NDUFA10: variants seen among roughly 807,000 people sequenced by gnomAD.
NDUFA10 encodes NADH dehydrogenase [ubiquinone] 1 alpha subcomplex subunit 10, mitochondrial.
NDUFA10 carries 40 observed loss-of-function variants against 47.8 expected under a neutral mutation model. The observed-to-expected ratio is 0.84, with a 90% CI of 0.65 to 1.09. The LOEUF (loss-of-function observed/expected upper bound fraction) is 1.09, where lower values mean the gene tolerates loss of function less well. Ranked by LOEUF, NDUFA10 falls within the 50% of genes least tolerant of loss-of-function variation. The pLI, the probability that NDUFA10 is intolerant of heterozygous loss-of-function variation, is 0.00. For synonymous variants in NDUFA10, 183 were observed against 172.2 expected, an observed-to-expected ratio of 1.06 and a Z score of -0.49; for missense variants, 413 against 451.1, an observed-to-expected ratio of 0.92 and a Z score of 0.76.
chr2:240,020,850 T>A (rs927725170), intron 3 of NDUFA10, among the ~76,000 whole-genome samples: 1 of 152,236 alleles, frequency 6.6e-6, no homozygotes, highest in African/African-American at 2.4e-5. Flanking sequence ...ACAGTCTTCA[T>A]AAGTGTGATC....
chr2:240,023,237 T>C (rs768645091), intron 1 of NDUFA10, among the ~76,000 whole-genome samples: 8 of 152,152 alleles, frequency 5.3e-5, no homozygotes, highest in Non-Finnish European at 1.0e-4. Flanking sequence ...CCTTACTATA[T>C]ACAGAAATTG....
At chr2:239,920,260 T>C (rs1391036438) in intron 4 of NDUFA10, among the ~76,000 whole-genome samples, 1 of 152,212 alleles carries the variant, frequency 6.6e-6, no homozygotes, top group Non-Finnish European at 1.5e-5. Context: ...CTCAGCACCC[T>C]GACCTGGGAC....
Position 239,960,734 on chromosome 2 carries a change from G to C in NDUFA10, c.*384C>G. The C allele has an allele frequency of 8.4e-7, 1 of 1,190,520 alleles. No homozygotes were observed. Among genetic ancestry groups the C allele is most frequent in the Non-Finnish European group, 1.1e-6 (1 of 944,582 alleles). 73.7% of individuals were successfully genotyped at this position (1,190,520 alleles called of 1,614,324 possible). On this transcript the variant is annotated 3_prime_UTR_variant, in exon 10 of 10. Coordinates refer to ENST00000252711, the MANE Select transcript of NDUFA10 (RefSeq NM_004544.4). ...CCGCACGCACATAGACGTACGATGG[G>C]GAAATTCCCATGGAAACACTTTTAT...
intron 4 of NDUFA10, among the ~76,000 whole-genome samples, chr2:239,919,251 T>G (rs1452457556): frequency 6.6e-6 from 1 of 152,208 alleles, no homozygotes; most frequent in Non-Finnish European, 1.5e-5. Context: ...CTCTTCGGGC[T>G]GTTTTCTCTT....
chr2:239,920,048 C>A (rs1008863436), intron 4 of NDUFA10, among the ~76,000 whole-genome samples: 3 of 152,202 alleles, frequency 2.0e-5, no homozygotes, highest in Non-Finnish European at 2.9e-5. Flanking sequence ...GTGCTTCCCC[C>A]CCATTCATAT....
intron 3 of NDUFA10, 143 bp from the exon 4 acceptor site, chr2:240,018,782 T>C: frequency 1.1e-6 from 1 of 938,586 alleles, no homozygotes; most frequent in East Asian, 2.6e-5. Context: ...AACATAGACA[T>C]ATTTGTAAGT....
At chr2:239,992,418 G>A (rs532326660) in intron 8 of NDUFA10, among the ~76,000 whole-genome samples, 1 of 152,264 alleles carries the variant, frequency 6.6e-6, no homozygotes, top group African/African-American at 2.4e-5. Context: ...TTAACTGAAT[G>A]TCAACACTTT....
chr2:239,991,742 T>C (rs1696257202), intron 8 of NDUFA10, among the ~76,000 whole-genome samples: 1 of 152,238 alleles, frequency 6.6e-6, no homozygotes, highest in East Asian at 1.9e-4. Context: ...AATAAGAAAT[T>C]CCAACTAAAA....
At chr2:239,946,714 G>A (rs964893296) in intron 4 of NDUFA10, among the ~76,000 whole-genome samples, 1 of 152,228 alleles carries the variant, frequency 6.6e-6, no homozygotes, top group African/African-American at 2.4e-5. Context: ...TGTCAGGCAC[G>A]CCTGACATGG....
intron 9 of NDUFA10, among the ~76,000 whole-genome samples, chr2:239,981,123 T>C (rs1378142480): frequency 6.6e-6 from 1 of 152,218 alleles, no homozygotes; most frequent in African/African-American, 2.4e-5. Flanking sequence ...TGAGAAATCA[T>C]ATAGGATACC....
At chr2:239,926,853 C>T (rs1423412104) in intron 4 of NDUFA10, among the ~76,000 whole-genome samples, 1 of 152,186 alleles carries the variant, frequency 6.6e-6, no homozygotes, top group East Asian at 1.9e-4. Context: ...TTAATGGACT[C>T]ACAGTTCCAC....
chr2:239,927,922 G>A (rs114215380), intron 4 of NDUFA10, among the ~76,000 whole-genome samples: 3,809 of 152,318 alleles, frequency 0.025, 142 homozygotes, highest in African/African-American at 0.087. Flanking sequence ...ACCCCAATAC[G>A]GTGGCTGTGG....
intron 4 of NDUFA10, among the ~76,000 whole-genome samples, chr2:239,915,524 C>CAG (rs1407023900): frequency 1.4e-4 from 19 of 136,646 alleles, no homozygotes; most frequent in African/African-American, 5.5e-4. Flanking sequence ...CACACACAGA[C>CAG]AGATACACAA....
rs537996436 is a variant in NDUFA10 at position 239,921,139 on chromosome 2, G to A, written c.295-25825C>T. Among the ~76,000 whole-genome samples the A allele has an allele frequency of 5.9e-5, 9 of 152,162 alleles. No individual in the cohort carries two copies. In the South Asian group the frequency reaches 1.7e-3, roughly 28 times the overall value. ...GTGGCTCGAACCTAAGGAAACTTTAGGGCAGGTCACAACCTGCAGGAACCG... is the reference window on the plus strand; with the variant it reads ...GTGGCTCGAACCTAAGGAAACTTTAAGGCAGGTCACAACCTGCAGGAACCG... On this transcript the variant is annotated intron_variant, in intron 4 of 5. Coordinates refer to the NDUFA10 transcript ENST00000419408.
chr2:239,902,492 A>G (rs139393653), intron 4 of NDUFA10, among the ~76,000 whole-genome samples: 8 of 152,254 alleles, frequency 5.3e-5, no homozygotes, highest in Non-Finnish European at 1.2e-4. Flanking sequence ...ACTATAGTAC[A>G]GTATAAATAT....
intron 4 of NDUFA10, among the ~76,000 whole-genome samples, chr2:239,930,990 A>C (rs1330631937): frequency 6.7e-6 from 1 of 150,288 alleles, no homozygotes; most frequent in Non-Finnish European, 1.5e-5. Context: ...GCAGGGAGGG[A>C]GGTCAGGGGG....
Position 239,960,156 on chromosome 2 carries a change from C to G in NDUFA10, c.*962G>C. ...GGAAAACCCACAGTTCAGTAGGACT[C>G]ACAACTGGCAGCCTGATTCCTAATG... On this transcript the variant is annotated 3_prime_UTR_variant, in exon 10 of 10. Coordinates refer to ENST00000252711, the MANE Select transcript of NDUFA10 (RefSeq NM_004544.4). 1.0e-6 allele frequency: 1 copy of G among 981,516 alleles called. No homozygotes were observed. Among genetic ancestry groups the G allele is most frequent in the Non-Finnish European group, 1.2e-6 (1 of 829,786 alleles). 60.8% of individuals were successfully genotyped at this position (981,516 alleles called of 1,614,324 possible).
At chr2:239,985,569 G>GAAAGAGAGC (rs1444042531) in intron 9 of NDUFA10, among the ~76,000 whole-genome samples, 3 of 152,060 alleles carry the variant, frequency 2.0e-5, no homozygotes, top group African/African-American at 7.2e-5. Flanking sequence ...AACTGGAACC[G>GAAAGAGAGC]AAAGAGAGCA....
At position 240,007,254 on chromosome 2, in the gene NDUFA10, CAAGAACCT is replaced by C. The variant is rs572426734; in HGVS notation, c.804+54_804+61del. 491 of 1,270,554 alleles carry C rather than the reference CAAGAACCT, an allele frequency of 3.9e-4. 4 individuals carry two copies. In the East Asian group the frequency reaches 0.01, roughly 26 times the overall value. The allele number at this position is 1,270,554 out of a possible 1,614,324, so 78.7% of individuals were successfully genotyped here. The stretch of plus-strand genomic sequence containing the variant: ...GGAATCTAACTGACGATCTGATTTG[CAAGAACCT>C]TACACATGAATCAAATGTAGGAATA... On this transcript the variant is annotated intron_variant, in intron 7 of 9. Transcript: ENST00000252711.
Sources: allele counts gnomAD v4.1 joint callset (sites outside exome capture counted in the v4.1 genomes callset), GRCh38; gene constraint gnomAD v4.1.1; transcripts MANE v1.5; gene names NCBI Gene and HGNC (gene_info 2026-07-23, HGNC 2026-07-21).